The following MDH1 variants were observed in gnomAD, a reference collection of about 807,000 sequenced individuals.
MDH1 encodes malate dehydrogenase, cytoplasmic.
Under a neutral mutation model 38.7 loss-of-function variants are expected in MDH1, and 15 were observed. That is an observed-to-expected ratio of 0.39 (90% CI 0.26 to 0.60). MDH1 has a LOEUF of 0.60. Ranked by LOEUF, MDH1 falls within the 20% of genes least tolerant of loss-of-function variation. MDH1 has a pLI of 0.56. For missense variants in MDH1, 368 were observed against 405.2 expected (o/e 0.91, Z 0.79); for synonymous variants, 144 against 143.6 (o/e 1.00, Z -0.02).
intron 8 of MDH1, 98 bp downstream of exon 8, chr2:63,606,126 A>T (rs972206425): frequency 8.6e-7 from 1 of 1,158,896 alleles, no homozygotes; most frequent in Non-Finnish European, 1.3e-6. Flanking sequence ...TCACGCCTAT[A>T]ATCCCAACAC....
In MDH1 at chr2:63,607,088, G is replaced by A. The variant is rs1339825901; in HGVS notation, c.*101G>A. On this transcript the variant is annotated 3_prime_UTR_variant, in exon 9 of 9. Coordinates refer to ENST00000233114, the MANE Select transcript of MDH1 (RefSeq NM_005917.4). Reference sequence around the variant, plus strand: ...ATAATGCTATACTTAAATTACTTGTGAAAAACAACACATTTTAAAGATTAC... The same window carrying A: ...ATAATGCTATACTTAAATTACTTGTAAAAAACAACACATTTTAAAGATTAC... 2.5e-6 allele frequency: 3 copies of A among 1,186,414 alleles called. No homozygotes were observed. In the African/African-American group the frequency reaches 4.7e-5, roughly 18 times the overall value. The allele number at this position is 1,186,414 out of a possible 1,614,324, so 73.5% of individuals were successfully genotyped here.
At chr2:63,594,176 AGG>A in intron 1 of MDH1, 1 of 499,266 alleles carries the variant, frequency 2.0e-6, no homozygotes, top group Non-Finnish European at 4.0e-6. Flanking sequence ...AGTGGCTGCC[AGG>A]GTTTGGATCA....
rs1309367407 is a variant in MDH1 at position 63,606,756 on chromosome 2, TC to T, written c.880-105del. The stretch of plus-strand genomic sequence containing the variant: ...ATCTGGATTTTTATTTACTTTAGAA[TC>T]AGACTTTAAAACGATATACCTCTAA... On this transcript the variant is annotated intron_variant, in intron 8 of 8. Coordinates refer to ENST00000233114, the MANE Select transcript of MDH1 (RefSeq NM_005917.4). 20 of 684,042 alleles carry T rather than the reference TC, an allele frequency of 2.9e-5. No homozygotes were observed. The African/African-American group carries it at 3.2e-4, about 11-fold the overall frequency. The allele number at this position is 684,042 out of a possible 1,614,324, so 42.4% of individuals were successfully genotyped here.
intron 1 of MDH1, 192 bp from the exon 2 acceptor site, chr2:63,594,296 C>T: frequency 1.4e-6 from 1 of 692,386 alleles, no homozygotes; most frequent in Non-Finnish European, 2.7e-6. Context: ...TTTTAGCTCC[C>T]TACATGGTGA....
At position 63,599,401 on chromosome 2, in the gene MDH1, G is replaced by A. The variant is rs559104152; in HGVS notation, c.498+109G>A. 3.9e-5 allele frequency: 42 copies of A among 1,075,714 alleles called. No homozygotes were observed. In the African/African-American group the frequency reaches 6.1e-4, roughly 16 times the overall value. The allele number at this position is 1,075,714 out of a possible 1,614,324, so 66.6% of individuals were successfully genotyped here. On this transcript the variant is annotated intron_variant, in intron 5 of 8. Transcript: ENST00000233114. Reference sequence around the variant, plus strand: ...TGTGCTTTTTTCTTGTTTTTGTTTAGTAGGAACCTATTACTTTTATTAAAT... The same window carrying A: ...TGTGCTTTTTTCTTGTTTTTGTTTAATAGGAACCTATTACTTTTATTAAAT...
intron 5 of MDH1, among the ~76,000 whole-genome samples, chr2:63,603,208 G>A (rs371249432): frequency 3.3e-5 from 5 of 151,912 alleles, no homozygotes; most frequent in African/African-American, 4.8e-5. Context: ...CTCCCACCTC[G>A]GCCTCCCAAA....
chr2:63,592,153 A>G (rs1308112884), intron 1 of MDH1, among the ~76,000 whole-genome samples: 2 of 152,208 alleles, frequency 1.3e-5, no homozygotes, highest in Non-Finnish European at 2.9e-5. Context: ...TACCAAGTAC[A>G]TGATAGGAAC....
chr2:63,597,564 A>C lies in MDH1; in HGVS notation c.365A>C (p.Lys122Thr), dbSNP rs779304440. 1.4e-6 allele frequency: 2 copies of C among 1,418,496 alleles called. No homozygotes were observed. Among genetic ancestry groups the C allele is most frequent in the South Asian group, 3.3e-5 (2 of 59,740 alleles). 87.9% of individuals were successfully genotyped at this position (1,418,496 alleles called of 1,614,324 possible). Residue 122 changes from lysine (K) to threonine (T), a missense_variant, in exon 4 of 9, where the codon AAG (lysine) becomes ACG (threonine). Lys to Thr is a moderately conservative substitution (Grantham distance 78). Transcript: ENST00000233114. ...GCAGCCTTAGATAAATACGCCAAGA[A>C]GTCAGTTAAGGTGACCAATGCTGTA... ...QGAALDKYAK[K>T]SVKVIVVGNP...
intron 5 of MDH1, among the ~76,000 whole-genome samples, chr2:63,604,046 T>C (rs1285572743): frequency 6.6e-6 from 1 of 152,220 alleles, no homozygotes; most frequent in Non-Finnish European, 1.5e-5. Context: ...TCTGGAGTTA[T>C]AGCTAGAGAT....
At chr2:63,603,796 TACAG>T (rs1221923039) in intron 5 of MDH1, among the ~76,000 whole-genome samples, 3 of 152,058 alleles carry the variant, frequency 2.0e-5, no homozygotes, top group Non-Finnish European at 4.4e-5. Context: ...TAGCTGGGAT[TACAG>T]ACATGTGCCA....
intron 5 of MDH1, among the ~76,000 whole-genome samples, chr2:63,603,918 A>G (rs1709478588): frequency 1.3e-5 from 2 of 152,234 alleles, no homozygotes; most frequent in South Asian, 4.1e-4. Context: ...TGGCCTCCCA[A>G]AGTGCTGGGA....
chr2:63,595,023 G>A, intron 2 of MDH1: 1 of 278,270 alleles, frequency 3.6e-6, no homozygotes, highest in Non-Finnish European at 6.9e-6. Context: ...CTTTTCTAAG[G>A]TATTCATTTA....
Position 63,604,795 on chromosome 2 carries a change from G to C in MDH1, c.598G>C (p.Val200Leu), listed in dbSNP as rs1575726877. ...GTATCCAGATGTCAACCATGCCAAG[G>C]TGAAATTGCAAGGAAAGGAAGTTGG... ...TQYPDVNHAK[V>L]KLQGKEVGVY... The change falls in exon 6 of 9, where the codon GTG (valine) becomes CTG (leucine). Residue 200 changes from valine to leucine, a missense_variant. Transcript: ENST00000233114. 1 of 1,614,176 alleles carries C rather than the reference G, an allele frequency of 6.2e-7. No homozygotes were observed. Among genetic ancestry groups the C allele is most frequent in the Non-Finnish European group, 8.5e-7 (1 of 1,180,022 alleles).
intron 1 of MDH1, chr2:63,593,602 A>G (rs768621783): frequency 1.1e-5 from 5 of 471,730 alleles, no homozygotes; most frequent in South Asian, 7.7e-5. Context: ...GGGCTTAGTC[A>G]CATCAGTGGA....
At position 63,594,517 on chromosome 2, in the gene MDH1, A is replaced by C; in HGVS notation, c.33A>C (p.Gly11=). 6.2e-7 allele frequency: 1 copy of C among 1,613,862 alleles called. No homozygotes were observed. The highest frequency in any genetic ancestry group is 8.5e-7 in the Non-Finnish European group (1 of 1,179,814). MSEPIRVLVT[G]AAGQIAYSLL... Reference sequence around the variant, plus strand: ...AACCAATCAGAGTCCTTGTGACTGGAGCAGCTGGTCAAATTGCATATTCAC... The same window carrying C: ...AACCAATCAGAGTCCTTGTGACTGGCGCAGCTGGTCAAATTGCATATTCAC... The change falls in exon 2 of 9, where the codon GGA becomes GGC. Residue 11 remains glycine (G), a synonymous_variant. Coordinates refer to ENST00000233114, the MANE Select transcript of MDH1 (RefSeq NM_005917.4).
chr2:63,604,494 T>G (rs1039836759), intron 5 of MDH1, among the ~76,000 whole-genome samples: 2 of 152,230 alleles, frequency 1.3e-5, no homozygotes, highest in Non-Finnish European at 2.9e-5. Flanking sequence ...AGGTTTCAAG[T>G]CCACAGTTGT....
chr2:63,597,235 G>A (rs1256367108), intron 3 of MDH1, 164 bp from the exon 4 acceptor site: 1 of 952,424 alleles, frequency 1.0e-6, no homozygotes, highest in African/African-American at 1.8e-5. Context: ...TGTTATGATT[G>A]TTAAATTAAT....
At chr2:63,604,985 A>G (rs1462961268) in intron 6 of MDH1, 113 bp downstream of exon 6, 1 of 1,036,044 alleles carries the variant, frequency 9.7e-7, no homozygotes, top group South Asian at 1.6e-5. Context: ...TGATGACTGC[A>G]TACTTTCGGG....
At chr2:63,605,683 C>G (rs938643560) in intron 7 of MDH1, 1 of 587,962 alleles carries the variant, frequency 1.7e-6, no homozygotes, top group Non-Finnish European at 3.0e-6. Flanking sequence ...TTTTTTTCTT[C>G]TATGCCACAG....
Sources: gnomAD v4.1 joint callset for allele counts (sites outside exome capture counted in the v4.1 genomes callset) on GRCh38, gnomAD v4.1.1 for gene constraint, MANE v1.5 for transcripts, NCBI Gene and HGNC (gene_info 2026-07-23, HGNC 2026-07-21) for gene names.